CDH18: variants seen among roughly 807,000 people sequenced by gnomAD.
The protein encoded by CDH18 is cadherin 18.
CDH18 carries 31 observed loss-of-function variants against 67.9 expected under a neutral mutation model. The observed-to-expected ratio is 0.46, with a 90% confidence interval of 0.34 to 0.62. The LOEUF (loss-of-function observed/expected upper bound fraction) is 0.62. CDH18 is among the 20% of genes least tolerant of loss of function. The pLI is 0.01. For synonymous variants in CDH18, 362 were observed against 347.2 expected (o/e 1.04, Z -0.48); for missense variants, 890 against 975.5 (o/e 0.91, Z 1.17).
At chr5:20,430,721 A>G (rs1223020067) in intron 1 of CDH18, among the ~76,000 whole-genome samples, 5 of 152,218 alleles carry the variant, frequency 3.3e-5, no homozygotes, top group African/African-American at 9.6e-5. Context: ...TAAAATTGAC[A>G]AATAGATTCA....
At chr5:19,684,920 G>A (rs1442730851) in intron 5 of CDH18, among the ~76,000 whole-genome samples, 2 of 151,924 alleles carry the variant, frequency 1.3e-5, no homozygotes, top group African/African-American at 4.8e-5. Context: ...TTGTAATATG[G>A]CTGTAAAAAT....
chr5:20,309,148 A>T (rs1736767260), intron 1 of CDH18, among the ~76,000 whole-genome samples: 1 of 152,202 alleles, frequency 6.6e-6, no homozygotes, highest in African/African-American at 2.4e-5. Context: ...CATCATACTG[A>T]CAGATCACAC....
intron 1 of CDH18, among the ~76,000 whole-genome samples, chr5:20,413,561 A>G (rs961742562): frequency 2.6e-5 from 4 of 152,196 alleles, no homozygotes; most frequent in African/African-American, 9.7e-5. Flanking sequence ...TCTGACGACC[A>G]GTGATGATGA....
chr5:19,517,422 G>A (rs895350115), intron 10 of CDH18, among the ~76,000 whole-genome samples: 3 of 151,886 alleles, frequency 2.0e-5, no homozygotes, highest in African/African-American at 7.3e-5. Context: ...CTTTTTCAAA[G>A]AGCATCTTTT....
intron 2 of CDH18, among the ~76,000 whole-genome samples, chr5:19,883,712 T>C (rs1424671748): frequency 2.0e-5 from 3 of 152,122 alleles, no homozygotes; most frequent in African/African-American, 7.2e-5. Context: ...AAAAAGGGGT[T>C]TGACGTTCTG....
intron 5 of CDH18, among the ~76,000 whole-genome samples, chr5:19,672,817 T>C (rs1045712004): frequency 6.6e-6 from 1 of 152,156 alleles, no homozygotes; most frequent in African/African-American, 2.4e-5. Context: ...GATAGAAATA[T>C]TGTCAATAAT....
chr5:20,206,956 C>T (rs1347502908), intron 2 of CDH18, among the ~76,000 whole-genome samples: 1 of 152,034 alleles, frequency 6.6e-6, no homozygotes, highest in South Asian at 2.1e-4. Flanking sequence ...CCCATTATCT[C>T]TACTTTTATT....
At chr5:19,766,725 G>C (rs1230254292) in intron 3 of CDH18, among the ~76,000 whole-genome samples, 1 of 152,072 alleles carries the variant, frequency 6.6e-6, no homozygotes, top group Admixed American at 6.5e-5. Context: ...GGCTTTAAAA[G>C]TGCCAACCCA....
intron 1 of CDH18, among the ~76,000 whole-genome samples, chr5:20,300,245 A>G (rs1224707212): frequency 6.6e-6 from 1 of 152,014 alleles, no homozygotes; most frequent in Non-Finnish European, 1.5e-5. Context: ...AATATATAAC[A>G]GGACAACGCA....
At chr5:20,229,740 T>G (rs941515832) in intron 2 of CDH18, among the ~76,000 whole-genome samples, 3 of 152,058 alleles carry the variant, frequency 2.0e-5, no homozygotes. Flanking sequence ...TTGGACTAGA[T>G]TCTTTTTTCT....
At chr5:19,965,730 G>GAAGAGAGAGGCAGGTAGA (rs1355962949) in intron 2 of CDH18, among the ~76,000 whole-genome samples, 1 of 152,040 alleles carries the variant, frequency 6.6e-6, no homozygotes, top group Admixed American at 6.6e-5. Flanking sequence ...GAGGAAGGAG[G>GAAGAGAGAGGCAGGTAGA]AAGAGAGAGG....
chr5:19,563,383 A>G (rs1739792551), intron 8 of CDH18, among the ~76,000 whole-genome samples: 1 of 152,192 alleles, frequency 6.6e-6, no homozygotes, highest in Non-Finnish European at 1.5e-5. Context: ...GAAACAGTTT[A>G]TGGAATGATA....
chr5:20,178,401 G>A (rs1472028457), intron 2 of CDH18, among the ~76,000 whole-genome samples: 3 of 150,890 alleles, frequency 2.0e-5, no homozygotes, highest in African/African-American at 2.4e-5. Context: ...TCTGGAAATC[G>A]TGACTAAAAA....
chr5:20,042,685 C>T (rs1056781883), intron 2 of CDH18, among the ~76,000 whole-genome samples: 5 of 152,090 alleles, frequency 3.3e-5, no homozygotes, highest in Admixed American at 1.3e-4. Context: ...TTTTATGGGC[C>T]GGGTGCGGTG....
At chr5:19,586,233 A>G (rs536893325) in intron 7 of CDH18, among the ~76,000 whole-genome samples, 1 of 152,112 alleles carries the variant, frequency 6.6e-6, no homozygotes, top group South Asian at 2.1e-4. Context: ...TCAGTGGCAC[A>G]TGTGCAGGAT....
At chr5:19,701,995 C>A (rs985510909) in intron 5 of CDH18, among the ~76,000 whole-genome samples, 2 of 152,016 alleles carry the variant, frequency 1.3e-5, no homozygotes, top group Non-Finnish European at 2.9e-5. Flanking sequence ...TTTATCATGA[C>A]CTAAGTGGCT....
intron 1 of CDH18, among the ~76,000 whole-genome samples, chr5:20,278,051 GT>G (rs1285365426): frequency 6.6e-6 from 1 of 151,960 alleles, no homozygotes; most frequent in East Asian, 1.9e-4. Flanking sequence ...AAATCTAATA[GT>G]TATTGGCCTT....
At chr5:19,610,476 ATTATT>A (rs1355482658) in intron 6 of CDH18, among the ~76,000 whole-genome samples, 6 of 152,164 alleles carry the variant, frequency 3.9e-5, no homozygotes, top group Non-Finnish European at 7.4e-5. Flanking sequence ...AATTTTAATA[ATTATT>A]TTAGGAAGAA....
intron 10 of CDH18, among the ~76,000 whole-genome samples, chr5:19,512,644 G>C (rs1426133714): frequency 1.3e-5 from 2 of 152,094 alleles, no homozygotes; most frequent in Admixed American, 6.6e-5. Context: ...ATTTGTTAAT[G>C]TCATTCAAAA....
Sources: allele counts gnomAD v4.1 joint callset (sites outside exome capture counted in the v4.1 genomes callset), GRCh38; gene constraint gnomAD v4.1.1; transcripts MANE v1.5; gene names NCBI Gene and HGNC (gene_info 2026-07-23, HGNC 2026-07-21).